LRP1B: variants seen among roughly 807,000 people sequenced by gnomAD.
The protein encoded by LRP1B is LDL receptor related protein 1B.
A neutral mutation model predicts 556.6 loss-of-function variants in LRP1B; 217 were observed. The observed-to-expected ratio is 0.39, with a 90% CI of 0.35 to 0.44. The LOEUF (loss-of-function observed/expected upper bound fraction) is 0.44, where lower values mean the gene tolerates loss of function less well. Ranked by LOEUF, LRP1B falls within the 20% of genes least tolerant of loss-of-function variation. The pLI, the probability that LRP1B is intolerant of heterozygous loss-of-function variation, is 1.00. For synonymous variants in LRP1B, 2,047 were observed against 1,865.8 expected, an observed-to-expected ratio of 1.10 and a Z score of -2.50; for missense variants, 5,053 against 5,620.8, an observed-to-expected ratio of 0.90 and a Z score of 3.23.
chr2:141,363,902 C>T (rs11886019), intron 3 of LRP1B, among the ~76,000 whole-genome samples: 9,485 of 152,044 alleles, frequency 0.062, 402 homozygotes, highest in African/African-American at 0.11. Flanking sequence ...TATATTTATT[C>T]TACAAATAAA....
At chr2:141,192,667 C>G (rs1434524785) in intron 6 of LRP1B, among the ~76,000 whole-genome samples, 1 of 151,514 alleles carries the variant, frequency 6.6e-6, no homozygotes, top group Non-Finnish European at 1.5e-5. Context: ...ATTTTGATTA[C>G]TTAACATTCC....
rs937893855 is a variant in LRP1B, at chr2:142,031,348, T to A, written c.82+99300A>T. 1.3e-3 allele frequency among the ~76,000 whole-genome samples: 168 copies of A among 126,548 alleles called. 6 individuals carry two copies. The highest frequency in any genetic ancestry group is 4.5e-3 in the African/African-American group (158 of 34,944). 83.0% of individuals were successfully genotyped at this position (126,548 alleles called of 152,430 possible). On this transcript the variant is annotated intron_variant, in intron 1 of 90. Transcript: ENST00000389484. ...TATACTTATTTTTTTTTTTTTTTTT[T>A]ATTATACTCTAAGTTTTAGGGTACA...
intron 6 of LRP1B, among the ~76,000 whole-genome samples, chr2:141,224,883 A>C (rs1683183514): frequency 6.6e-6 from 1 of 152,060 alleles, no homozygotes; most frequent in Non-Finnish European, 1.5e-5. Flanking sequence ...TAATACTTAG[A>C]TGATGGGTTG....
intron 2 of LRP1B, among the ~76,000 whole-genome samples, chr2:141,629,562 T>C (rs1688832096): frequency 6.6e-6 from 1 of 152,166 alleles, no homozygotes; most frequent in Non-Finnish European, 1.5e-5. Flanking sequence ...TAAAAAGATA[T>C]AAAATTTTAT....
chr2:141,300,074 T>C (rs913116278), intron 3 of LRP1B, among the ~76,000 whole-genome samples: 2 of 152,196 alleles, frequency 1.3e-5, no homozygotes, highest in Non-Finnish European at 2.9e-5. Context: ...TTCTGACACA[T>C]GAAGATACAA....
intron 57 of LRP1B, 59 bp from the exon 58 acceptor site, chr2:140,487,798 T>C: frequency 8.3e-7 from 1 of 1,206,490 alleles, no homozygotes. Context: ...TATAAAATGT[T>C]TTAGGAGTTT....
intron 6 of LRP1B, among the ~76,000 whole-genome samples, chr2:141,217,161 C>G (rs778283870): frequency 6.6e-6 from 1 of 151,962 alleles, no homozygotes; most frequent in East Asian, 1.9e-4. Context: ...TAGTGGGAGG[C>G]GTTTGGGTCA....
chr2:141,994,625 G>A (rs915848827), intron 1 of LRP1B, among the ~76,000 whole-genome samples: 10 of 152,144 alleles, frequency 6.6e-5, no homozygotes, highest in East Asian at 3.9e-4. Context: ...AAAGAAAACC[G>A]GGAAGAAAAC....
At chr2:141,559,973 T>A (rs1686088134) in intron 2 of LRP1B, among the ~76,000 whole-genome samples, 1 of 151,654 alleles carries the variant, frequency 6.6e-6, no homozygotes, top group Non-Finnish European at 1.5e-5. Context: ...TTAAATGGAT[T>A]TTCCATGATC....
At chr2:140,867,493 C>T in intron 27 of LRP1B, 97 bp downstream of exon 27, 1 of 1,336,156 alleles carries the variant, frequency 7.5e-7, no homozygotes, top group Middle Eastern at 2.1e-4. Flanking sequence ...ATGTCAATAA[C>T]TTTTAACTTA....
chr2:141,895,356 A>C (rs898666375), intron 1 of LRP1B, among the ~76,000 whole-genome samples: 3 of 152,086 alleles, frequency 2.0e-5, no homozygotes, highest in Non-Finnish European at 2.9e-5. Flanking sequence ...TAGACACAAA[A>C]CCCCTGTTGC....
chr2:140,968,257 G>T (rs951048370), intron 18 of LRP1B, among the ~76,000 whole-genome samples: 3 of 151,686 alleles, frequency 2.0e-5, no homozygotes, highest in African/African-American at 7.3e-5. Context: ...GTTTAGTCTT[G>T]GGAGGGTGTA....
chr2:141,603,799 A>G (rs1221150599), intron 2 of LRP1B, among the ~76,000 whole-genome samples: 1 of 152,174 alleles, frequency 6.6e-6, no homozygotes, highest in Non-Finnish European at 1.5e-5. Context: ...CTCAAAACTC[A>G]TCTAGAGGAG....
intron 2 of LRP1B, among the ~76,000 whole-genome samples, chr2:141,682,243 C>T (rs1322676413): frequency 6.6e-6 from 1 of 151,624 alleles, no homozygotes; most frequent in African/African-American, 2.4e-5. Context: ...AATGCTTAGC[C>T]CAAATTTTTG....
At chr2:140,285,250 TATAC>T (rs1683095604) in intron 84 of LRP1B, among the ~76,000 whole-genome samples, 2 of 150,338 alleles carry the variant, frequency 1.3e-5, no homozygotes, top group African/African-American at 4.9e-5. Flanking sequence ...TACACATATA[TATAC>T]ATAGAGAAAT....
At chr2:142,063,174 A>G (rs1704984508) in intron 1 of LRP1B, among the ~76,000 whole-genome samples, 1 of 151,550 alleles carries the variant, frequency 6.6e-6, no homozygotes, top group Non-Finnish European at 1.5e-5. Context: ...ATGATAACAG[A>G]TCATGAAATT....
At chr2:140,949,205 T>C (rs1203961875) in intron 20 of LRP1B, among the ~76,000 whole-genome samples, 1 of 152,244 alleles carries the variant, frequency 6.6e-6, no homozygotes, top group East Asian at 1.9e-4. Context: ...TTATTTATTC[T>C]TTAGTCCTCA....
rs146340207 is a variant in LRP1B, at chr2:141,835,138, G to A, written c.83-24737C>T. On this transcript the variant is annotated intron_variant, in intron 1 of 90. Coordinates refer to ENST00000389484, the MANE Select transcript of LRP1B (RefSeq NM_018557.3). The stretch of plus-strand genomic sequence containing the variant: ...TCAAAGCAATGTACACATTAAGTGG[G>A]GTCAGCAAAATATATTAACTTTGGA... Among the ~76,000 whole-genome samples, 205 of 152,038 alleles carry A rather than the reference G, an allele frequency of 1.3e-3. 8 individuals are homozygous for A. The East Asian group carries it at 0.031, about 23-fold the overall frequency.
At chr2:140,538,711 T>C (rs943539590) in intron 45 of LRP1B, among the ~76,000 whole-genome samples, 1 of 152,128 alleles carries the variant, frequency 6.6e-6, no homozygotes, top group Non-Finnish European at 1.5e-5. Flanking sequence ...CTAAATGCAA[T>C]CATCTTAGCA....
Sources: allele counts gnomAD v4.1 joint callset (sites outside exome capture counted in the v4.1 genomes callset), GRCh38; gene constraint gnomAD v4.1.1; transcripts MANE v1.5; gene names NCBI Gene and HGNC (gene_info 2026-07-23, HGNC 2026-07-21).